The following STN1 variants were observed in gnomAD, a reference collection of about 807,000 sequenced individuals.
The protein encoded by STN1 is CST complex subunit STN1.
In STN1, 29 loss-of-function variants were observed where a neutral mutation model predicts 45.5. The observed-to-expected ratio is 0.64, with a 90% confidence interval of 0.47 to 0.87. The LOEUF is 0.87. Among genes scored for constraint, STN1 ranks in the 40% least tolerant of loss-of-function variants. STN1 has a pLI of 0.00. For missense variants in STN1, 376 were observed against 441.4 expected (o/e 0.85, Z 1.33); for synonymous variants, 148 against 159.0 (o/e 0.93, Z 0.52).
chr10:103,891,152 TGACATG>T (rs1176622050), intron 8 of STN1, among the ~76,000 whole-genome samples: 1 of 152,168 alleles, frequency 6.6e-6, no homozygotes, highest in Admixed American at 6.5e-5. Flanking sequence ...ACAGAAATAC[TGACATG>T]AGTTCACAAA....
At chr10:103,899,475 T>C (rs549022290) in intron 5 of STN1, among the ~76,000 whole-genome samples, 1 of 152,174 alleles carries the variant, frequency 6.6e-6, no homozygotes, top group African/African-American at 2.4e-5. Context: ...TGGGCGGATC[T>C]CTTGAGCTCA....
intron 3 of STN1, among the ~76,000 whole-genome samples, chr10:103,906,485 C>T (rs78361965): frequency 6.6e-6 from 1 of 151,512 alleles, no homozygotes; most frequent in Non-Finnish European, 1.5e-5. Context: ...AGGGAGACCC[C>T]GTCTCTACCA....
At chr10:103,899,358 T>C (rs1843192007) in intron 5 of STN1, among the ~76,000 whole-genome samples, 1 of 152,254 alleles carries the variant, frequency 6.6e-6, no homozygotes, top group Non-Finnish European at 1.5e-5. Context: ...GTCATATTTC[T>C]GATTAGCTGT....
chr10:103,889,415 C>A (rs925997692), intron 8 of STN1, among the ~76,000 whole-genome samples: 1 of 152,038 alleles, frequency 6.6e-6, no homozygotes, highest in Non-Finnish European at 1.5e-5. Flanking sequence ...CTTTCTTCTT[C>A]AACACTCATA....
At chr10:103,900,742 T>TCTCTCA (rs1843204333) in intron 4 of STN1, among the ~76,000 whole-genome samples, 1 of 145,870 alleles carries the variant, frequency 6.9e-6, no homozygotes, top group African/African-American at 2.5e-5. Context: ...TCTCTCTCTC[T>TCTCTCA]CTCACACTTT....
intron 2 of STN1, among the ~76,000 whole-genome samples, chr10:103,916,987 AC>A (rs1461360559): frequency 6.6e-6 from 1 of 151,928 alleles, no homozygotes. Context: ...AAGAAAACAA[AC>A]CCCCTTTACA....
chr10:103,888,695 C>T (rs1718554772), intron 9 of STN1, among the ~76,000 whole-genome samples: 1 of 152,120 alleles, frequency 6.6e-6, no homozygotes, highest in African/African-American at 2.4e-5. Flanking sequence ...GGAAATAACA[C>T]AAATCAGAGA....
At chr10:103,908,384 T>A (rs2134372587) in intron 3 of STN1, among the ~76,000 whole-genome samples, 1 of 150,268 alleles carries the variant, frequency 6.7e-6, no homozygotes, top group African/African-American at 2.4e-5. Flanking sequence ...CTGCACAATG[T>A]CCTCAGCAGC....
At chr10:103,910,155 T>C (rs920670005) in intron 3 of STN1, among the ~76,000 whole-genome samples, 3 of 152,198 alleles carry the variant, frequency 2.0e-5, no homozygotes, top group Admixed American at 6.5e-5. Context: ...AACATTAATC[T>C]GGTCTTCGCT....
chr10:103,918,069 G>C (rs958885858), intron 1 of STN1, 31 bp downstream of exon 1: 4 of 153,424 alleles, frequency 2.6e-5, no homozygotes, highest in African/African-American at 9.6e-5. Flanking sequence ...CCAAGAAAAG[G>C]AGGAAAAAAG....
chr10:103,906,915 C>T (rs1196083037), intron 3 of STN1, among the ~76,000 whole-genome samples: 1 of 152,206 alleles, frequency 6.6e-6, no homozygotes, highest in East Asian at 1.9e-4. Flanking sequence ...ATTAGTAACA[C>T]ATTTCTAAAA....
intron 4 of STN1, 80 bp from the exon 5 acceptor site, chr10:103,900,303 G>T: frequency 1.4e-6 from 2 of 1,386,776 alleles, no homozygotes; most frequent in South Asian, 1.3e-5. Context: ...CAGTTTTAGG[G>T]TAAGACCAAC....
intron 7 of STN1, among the ~76,000 whole-genome samples, chr10:103,895,843 G>A (rs1843167663): frequency 1.3e-5 from 2 of 152,212 alleles, no homozygotes; most frequent in African/African-American, 4.8e-5. Flanking sequence ...AACAGTCCAG[G>A]AATGGACAGA....
intron 2 of STN1, among the ~76,000 whole-genome samples, chr10:103,916,928 T>A (rs1429414066): frequency 6.6e-6 from 1 of 152,234 alleles, no homozygotes; most frequent in Non-Finnish European, 1.5e-5. Flanking sequence ...AGACAGATGA[T>A]GTTCTTCCTC....
chr10:103,914,862 G>A (rs1198621861), intron 2 of STN1, among the ~76,000 whole-genome samples: 1 of 152,106 alleles, frequency 6.6e-6, no homozygotes, highest in Non-Finnish European at 1.5e-5. Context: ...CAGGTGAAGG[G>A]CACAGTCCCC....
intron 3 of STN1, among the ~76,000 whole-genome samples, chr10:103,908,830 TCAAA>T (rs1387568632): frequency 1.3e-5 from 2 of 152,064 alleles, no homozygotes; most frequent in Non-Finnish European, 1.5e-5. Flanking sequence ...TTTAAAGTCC[TCAAA>T]CAGTCTCATT....
chr10:103,914,397 C>T (rs1440700861), intron 2 of STN1, among the ~76,000 whole-genome samples: 3 of 62,238 alleles, frequency 4.8e-5, no homozygotes, highest in East Asian at 1.1e-3. Context: ...TTTTTTGAGA[C>T]AGGGTCTTGC....
chr10:103,878,150 T>C lies in STN1; in HGVS notation c.*4534A>G, dbSNP rs1481615833. ...GTGGCTTACCATATGGGCATAATCA[T>C]GGCTCTTCAAACAAATCCTTGACCA... On this transcript the variant is annotated 3_prime_UTR_variant, in exon 10 of 10. Transcript: ENST00000224950. The C allele has an allele frequency of 1.3e-5, 2 of 152,264 alleles. No individual in the cohort carries two copies. The highest frequency in any genetic ancestry group is 2.9e-5 in the Non-Finnish European group (2 of 68,050). 9.4% of individuals were successfully genotyped at this position (152,264 alleles called of 1,614,324 possible).
Position 103,882,433 on chromosome 10 carries a change from G to A in STN1, c.*251C>T. 2.3e-6 allele frequency: 1 copy of A among 430,098 alleles called. No homozygotes were observed. The highest frequency in any genetic ancestry group is 4.2e-6 in the Non-Finnish European group (1 of 239,434). 26.6% of individuals were successfully genotyped at this position (430,098 alleles called of 1,614,324 possible). On this transcript the variant is annotated 3_prime_UTR_variant, in exon 10 of 10. Coordinates refer to ENST00000224950, the MANE Select transcript of STN1 (RefSeq NM_024928.5). Reference sequence around the variant, plus strand: ...TGCGAACAACGCACAGTCCAGCCAGGAGCTCAACAGGGAGGGTTTTCTTGT... The same window carrying A: ...TGCGAACAACGCACAGTCCAGCCAGAAGCTCAACAGGGAGGGTTTTCTTGT...
Sources: gnomAD v4.1 joint callset for allele counts (sites outside exome capture counted in the v4.1 genomes callset) on GRCh38, gnomAD v4.1.1 for gene constraint, MANE v1.5 for transcripts, NCBI Gene and HGNC (gene_info 2026-07-23, HGNC 2026-07-21) for gene names.